The following ALDH9A1 variants were observed in gnomAD, a reference collection of about 807,000 sequenced individuals.
ALDH9A1 encodes aldehyde dehydrogenase 9 family member A1, also known as 4-trimethylaminobutyraldehyde dehydrogenase.
ALDH9A1 carries 42 observed loss-of-function variants against 56.6 expected under a neutral mutation model. That is an observed-to-expected ratio of 0.74 (90% confidence interval 0.58 to 0.96). The LOEUF (loss-of-function observed/expected upper bound fraction) is 0.96. Ranked by LOEUF, ALDH9A1 falls within the 40% of genes least tolerant of loss-of-function variation. The pLI, the probability that ALDH9A1 is intolerant of heterozygous loss-of-function variation, is 0.00. For synonymous variants in ALDH9A1, 242 were observed against 236.0 expected (o/e 1.03, Z -0.23); for missense variants, 661 against 651.5 (o/e 1.01, Z -0.16).
intron 2 of ALDH9A1, among the ~76,000 whole-genome samples, chr1:165,693,457 T>A (rs1288467950): frequency 6.6e-6 from 1 of 152,004 alleles, no homozygotes; most frequent in African/African-American, 2.4e-5. Flanking sequence ...AAAAGACACA[T>A]GAAAAAATGC....
Position 165,668,923 on chromosome 1 carries a change from T to C in ALDH9A1, c.1207+3A>G, listed in dbSNP as rs1649087226. On this transcript the variant is annotated splice_donor_region_variant and intron_variant, in intron 8 of 10. Coordinates refer to ENST00000354775, the MANE Select transcript of ALDH9A1 (RefSeq NM_000696.4). Reference sequence around the variant, plus strand: ...TCTAAAAGCAAACAAAAAGAGGACATACTTAATACACAAGGTCTCATGTAA... The same window carrying C: ...TCTAAAAGCAAACAAAAAGAGGACACACTTAATACACAAGGTCTCATGTAA... The C allele has an allele frequency of 4.5e-6, 7 of 1,571,954 alleles. No homozygotes were observed. The highest frequency in any genetic ancestry group is 6.1e-6 in the Non-Finnish European group (7 of 1,142,622).
chr1:165,673,054 C>A (rs1291080576), intron 6 of ALDH9A1, among the ~76,000 whole-genome samples: 6 of 144,752 alleles, frequency 4.1e-5, no homozygotes, highest in African/African-American at 7.8e-5. Context: ...TTACCATACA[C>A]ACAAAAAAAT....
At chr1:165,693,171 T>C (rs1477845258) in intron 2 of ALDH9A1, among the ~76,000 whole-genome samples, 4 of 152,164 alleles carry the variant, frequency 2.6e-5, no homozygotes, top group Admixed American at 2.6e-4. Flanking sequence ...ACTTCATGAC[T>C]AAAACACCAA....
In ALDH9A1 at chr1:165,669,374, G is replaced by T; in HGVS notation, c.1007C>A (p.Thr336Asn). 1 of 1,613,872 alleles carries T rather than the reference G, an allele frequency of 6.2e-7. No individual in the cohort carries two copies. The highest frequency in any genetic ancestry group is 8.5e-7 in the Non-Finnish European group (1 of 1,179,892). Residue 336 changes from threonine (T) to asparagine (N), a missense_variant, in exon 7 of 11, where the codon ACC (threonine) becomes AAC (asparagine). Transcript: ENST00000354775. ...DKFTEEVVKQ[T>N]QRIKIGDPLL... is the part of the protein sequence containing the mutation. ...GGGATCTCCAATTTTAATCCTTTGG[G>T]TCTGTTTCACCACTTCCTCTGTAAA...
chr1:165,698,239 A>G, intron 1 of ALDH9A1, 139 bp downstream of exon 1: 1 of 1,391,552 alleles, frequency 7.2e-7, no homozygotes, highest in Non-Finnish European at 9.3e-7. Context: ...CTAGTTGCCT[A>G]CACACACAAC....
rs567224822 is a variant in ALDH9A1 at position 165,695,469 on chromosome 1, T to C, written c.182-72A>G. 208 of 1,120,302 alleles carry C rather than the reference T, an allele frequency of 1.9e-4. 1 individual carries two copies. In the African/African-American group the frequency reaches 3.2e-3, roughly 17 times the overall value. 69.4% of individuals were successfully genotyped at this position (1,120,302 alleles called of 1,614,324 possible). ...ATTTAAATAAAATATTATCTATCAA[T>C]ATTCTCTTAGTAGTAGTCTTTTTTT... On this transcript the variant is annotated intron_variant, in intron 1 of 10. Transcript: ENST00000354775.
chr1:165,677,442 A>C (rs1236548699), intron 6 of ALDH9A1, among the ~76,000 whole-genome samples: 1 of 152,222 alleles, frequency 6.6e-6, no homozygotes, highest in African/African-American at 2.4e-5. Context: ...AGCCAGGGGA[A>C]GTATGAGTCT....
chr1:165,668,666 C>T lies in ALDH9A1; in HGVS notation c.1207+260G>A, dbSNP rs76416326. ...TTATTAATTTTTTTAATCAAATATG[C>T]ACTTTCATATTTTTGAGCTCCTTGC... On this transcript the variant is annotated intron_variant, in intron 8 of 10. Transcript: ENST00000354775. The T allele has an allele frequency of 8.2e-4, 248 of 303,876 alleles. 1 individual carries two copies. The highest frequency in any genetic ancestry group is 5.1e-3 in the African/African-American group (234 of 46,190). The allele number at this position is 303,876 out of a possible 1,614,324, so 18.8% of individuals were successfully genotyped here. A position where few individuals can be genotyped will look rare whatever the true frequency, so the allele number is the denominator to read the frequency against.
intron 10 of ALDH9A1, among the ~76,000 whole-genome samples, chr1:165,663,537 T>C (rs1157212471): frequency 6.6e-6 from 1 of 152,226 alleles, no homozygotes; most frequent in East Asian, 1.9e-4. Context: ...TTATTCACCA[T>C]TTCTTAAACA....
intron 2 of ALDH9A1, among the ~76,000 whole-genome samples, chr1:165,687,825 TA>T (rs1482848046): frequency 6.6e-6 from 1 of 151,290 alleles, no homozygotes; most frequent in African/African-American, 2.4e-5. Context: ...CCATCTCTAC[TA>T]AAAATACAAA....
chr1:165,676,804 A>G (rs1649375905), intron 6 of ALDH9A1: 12 of 436,698 alleles, frequency 2.7e-5, no homozygotes, highest in South Asian at 2.4e-4. Context: ...AAAAAATAAA[A>G]GACCTCTGGA....
chr1:165,687,565 T>C (rs1034801100), intron 2 of ALDH9A1, among the ~76,000 whole-genome samples: 4 of 150,606 alleles, frequency 2.7e-5, no homozygotes, highest in Non-Finnish European at 5.9e-5. Flanking sequence ...CAGAAGACAG[T>C]GGAGCAACAT....
At chr1:165,665,797 T>A (rs1011265041) in intron 9 of ALDH9A1, among the ~76,000 whole-genome samples, 1 of 152,180 alleles carries the variant, frequency 6.6e-6, no homozygotes, top group Non-Finnish European at 1.5e-5. Flanking sequence ...AGAACCTTCA[T>A]ACGTTGTTCG....
At position 165,662,766 on chromosome 1, in the gene ALDH9A1, C is replaced by A; in HGVS notation, c.*284G>T. 1 of 366,670 alleles carries A rather than the reference C, an allele frequency of 2.7e-6. No homozygotes were observed. The highest frequency in any genetic ancestry group is 5.1e-6 in the Non-Finnish European group (1 of 197,008). The allele number at this position is 366,670 out of a possible 1,614,324, so 22.7% of individuals were successfully genotyped here. A position where few individuals can be genotyped will look rare whatever the true frequency, so the allele number is the denominator to read the frequency against. Reference sequence around the variant, plus strand: ...TGTGTGGAAGATGTATTATCCTAGTCTCTTTTCCTGTTCTCTAGAAGTATG... The same window carrying A: ...TGTGTGGAAGATGTATTATCCTAGTATCTTTTCCTGTTCTCTAGAAGTATG... On this transcript the variant is annotated 3_prime_UTR_variant, in exon 11 of 11. Transcript: ENST00000354775.
chr1:165,698,234 T>G, intron 1 of ALDH9A1, 144 bp downstream of exon 1: 1 of 1,387,446 alleles, frequency 7.2e-7, no homozygotes, highest in Non-Finnish European at 9.3e-7. Context: ...AATCGCTAGT[T>G]GCCTACACAC....
rs1403744455 is a variant in ALDH9A1, at chr1:165,667,306, T to A, written c.1349+3A>T. The A allele has an allele frequency of 1.2e-6, 2 of 1,614,024 alleles. No individual in the cohort carries two copies. Among genetic ancestry groups the A allele is most frequent in the Admixed American group, 1.7e-5 (1 of 59,984 alleles). Reference sequence around the variant, plus strand: ...ACTGCTCTCAGTGTCCCACTCCACATACCTGGTAAAGACGCCAGCTGCTAG... The same window carrying A: ...ACTGCTCTCAGTGTCCCACTCCACAAACCTGGTAAAGACGCCAGCTGCTAG... On this transcript the variant is annotated splice_donor_region_variant and intron_variant, in intron 9 of 10. Coordinates refer to ENST00000354775, the MANE Select transcript of ALDH9A1 (RefSeq NM_000696.4).
At chr1:165,695,978 A>G (rs1293895296) in intron 1 of ALDH9A1, among the ~76,000 whole-genome samples, 6 of 151,934 alleles carry the variant, frequency 3.9e-5, no homozygotes, top group African/African-American at 1.5e-4. Flanking sequence ...CAGCCTCCCG[A>G]GTAGCTGGGA....
intron 2 of ALDH9A1, among the ~76,000 whole-genome samples, chr1:165,685,958 G>A (rs567719050): frequency 3.7e-4 from 56 of 151,986 alleles, no homozygotes; most frequent in Non-Finnish European, 6.6e-4. Flanking sequence ...CTTCACAAGG[G>A]GTCTCCAACT....
intron 6 of ALDH9A1, among the ~76,000 whole-genome samples, chr1:165,673,104 A>AC (rs987430050): frequency 8.4e-6 from 1 of 119,736 alleles, no homozygotes; most frequent in African/African-American, 2.9e-5. Context: ...TCAATTGCAA[A>AC]AAAAAAAAAA....
Sources: allele counts gnomAD v4.1 joint callset (sites outside exome capture counted in the v4.1 genomes callset), GRCh38; gene constraint gnomAD v4.1.1; transcripts MANE v1.5; gene names NCBI Gene and HGNC (gene_info 2026-07-23, HGNC 2026-07-21).